MYO1B: variants seen among roughly 807,000 people sequenced by gnomAD.
The protein encoded by MYO1B is myosin IB.
In MYO1B, 72 loss-of-function variants were observed where a neutral mutation model predicts 159.7. The observed-to-expected ratio is 0.45, with a 90% CI of 0.37 to 0.55. The LOEUF (loss-of-function observed/expected upper bound fraction) is 0.55, where lower values mean the gene tolerates loss of function less well. Ranked by LOEUF, MYO1B falls within the 20% of genes least tolerant of loss-of-function variation. The pLI, the probability that MYO1B is intolerant of heterozygous loss-of-function variation, is 0.00. For synonymous variants in MYO1B, 468 were observed against 473.8 expected (o/e 0.99, Z 0.16); for missense variants, 1,062 against 1,364.8 (o/e 0.78, Z 3.50).
intron 1 of MYO1B, among the ~76,000 whole-genome samples, chr2:191,257,525 G>T (rs1479644079): frequency 2.6e-5 from 4 of 152,174 alleles, no homozygotes; most frequent in African/African-American, 7.2e-5. Flanking sequence ...AAAGCCCATT[G>T]ATTTTAATCA....
In MYO1B at chr2:191,397,829, C is replaced by A. The variant is rs567201478; in HGVS notation, c.2295+1332C>A. Among the ~76,000 whole-genome samples, 706 of 145,618 alleles carry A rather than the reference C, an allele frequency of 4.8e-3. 2 individuals are homozygous for A. Among genetic ancestry groups the A allele is most frequent in the Non-Finnish European group, 7.4e-3 (485 of 65,590 alleles). On this transcript the variant is annotated intron_variant, in intron 21 of 30. Transcript: ENST00000392318. Reference sequence around the variant, plus strand: ...GTCTGGCCGGGCGGGGGGCTGACCACCCCACCACCCTCCCAGACGGGGCGG... The same window carrying A: ...GTCTGGCCGGGCGGGGGGCTGACCAACCCACCACCCTCCCAGACGGGGCGG...
At chr2:191,303,456 T>C (rs967137033) in intron 3 of MYO1B, among the ~76,000 whole-genome samples, 20 of 152,350 alleles carry the variant, frequency 1.3e-4, no homozygotes, top group African/African-American at 4.8e-4. Context: ...TTTTATGCTT[T>C]CCCATCTAGC....
At chr2:191,384,566 C>G (rs1246437178) in intron 15 of MYO1B, among the ~76,000 whole-genome samples, 2 of 152,138 alleles carry the variant, frequency 1.3e-5, no homozygotes, top group African/African-American at 2.4e-5. Flanking sequence ...AATGGGAACA[C>G]TAATATTCCA....
intron 1 of MYO1B, among the ~76,000 whole-genome samples, chr2:191,260,254 C>CGTTTTTTTTTTTTTTTTTTTTTTT (rs1686717281): frequency 3.3e-5 from 2 of 60,962 alleles, no homozygotes; most frequent in Non-Finnish European, 7.9e-5. Context: ...CCCAGATAGG[C>CGTTTTTTTTTTTTTTTTTTTTTTT]TTTTTTTTTT....
chr2:191,250,094 C>A (rs1686022344), intron 1 of MYO1B, among the ~76,000 whole-genome samples: 1 of 152,170 alleles, frequency 6.6e-6, no homozygotes, highest in South Asian at 2.1e-4. Context: ...AAAGGAAATC[C>A]ATTGTGCTTT....
At chr2:191,303,724 A>G (rs549987282) in intron 3 of MYO1B, among the ~76,000 whole-genome samples, 1 of 152,232 alleles carries the variant, frequency 6.6e-6, no homozygotes, top group African/African-American at 2.4e-5. Context: ...ATTGAATCTT[A>G]AAGGATATTC....
intron 1 of MYO1B, among the ~76,000 whole-genome samples, chr2:191,271,263 T>C (rs1183805263): frequency 6.6e-6 from 1 of 152,274 alleles, no homozygotes; most frequent in Non-Finnish European, 1.5e-5. Flanking sequence ...AATGCTGTTA[T>C]ACTGCTAATG....
chr2:191,374,203 T>G (rs1694555193), intron 13 of MYO1B, among the ~76,000 whole-genome samples: 1 of 152,210 alleles, frequency 6.6e-6, no homozygotes, highest in Admixed American at 6.5e-5. Context: ...TTTAAAGTAC[T>G]GCAAGTTGAA....
At chr2:191,398,324 G>A in intron 21 of MYO1B, among the ~76,000 whole-genome samples, 1 of 122,624 alleles carries the variant, frequency 8.2e-6, no homozygotes, top group African/African-American at 2.9e-5. Flanking sequence ...TGGGCTGGGC[G>A]GCTGGCCGGG....
At chr2:191,266,875 T>C (rs1687174461) in intron 1 of MYO1B, among the ~76,000 whole-genome samples, 2 of 152,246 alleles carry the variant, frequency 1.3e-5, no homozygotes, top group Admixed American at 1.3e-4. Context: ...TTTGTCATTC[T>C]CACTTTACAC....
At chr2:191,313,450 T>C (rs1240847786) in intron 3 of MYO1B, among the ~76,000 whole-genome samples, 1 of 150,970 alleles carries the variant, frequency 6.6e-6, no homozygotes, top group Non-Finnish European at 1.5e-5. Flanking sequence ...AGTGGCACGA[T>C]CTCGGCTCAC....
At chr2:191,284,735 C>T (rs368864220) in intron 2 of MYO1B, among the ~76,000 whole-genome samples, 16 of 152,130 alleles carry the variant, frequency 1.1e-4, no homozygotes, top group African/African-American at 1.4e-4. Flanking sequence ...TGGGTTCAAA[C>T]GGTTCTTCTG....
chr2:191,347,175 G>A (rs530499287), intron 6 of MYO1B, among the ~76,000 whole-genome samples: 5 of 152,198 alleles, frequency 3.3e-5, no homozygotes, highest in South Asian at 4.1e-4. Context: ...TTTAGATCCC[G>A]TTTGGCTCTT....
chr2:191,313,655 A>G (rs1574406805), intron 3 of MYO1B, among the ~76,000 whole-genome samples: 2 of 152,302 alleles, frequency 1.3e-5, no homozygotes, highest in Admixed American at 1.3e-4. Flanking sequence ...AAGTGCTGGG[A>G]TTACAGGCGT....
At chr2:191,310,535 G>A (rs1689938307) in intron 3 of MYO1B, among the ~76,000 whole-genome samples, 1 of 152,184 alleles carries the variant, frequency 6.6e-6, no homozygotes, top group African/African-American at 2.4e-5. Context: ...GGTGGCTTTT[G>A]TAGTTTATAG....
intron 7 of MYO1B, among the ~76,000 whole-genome samples, chr2:191,357,387 G>A (rs918312424): frequency 2.6e-5 from 4 of 152,058 alleles, no homozygotes; most frequent in Non-Finnish European, 4.4e-5. Context: ...GCAGTGGGGC[G>A]GGGGGCAAGT....
At chr2:191,325,876 C>G (rs912992881) in intron 3 of MYO1B, among the ~76,000 whole-genome samples, 7 of 152,002 alleles carry the variant, frequency 4.6e-5, no homozygotes, top group Admixed American at 3.9e-4. Flanking sequence ...ACTTCTAAAA[C>G]CTAAAAGTGA....
chr2:191,334,111 C>G (rs1189487554), intron 4 of MYO1B, among the ~76,000 whole-genome samples: 1 of 141,024 alleles, frequency 7.1e-6, no homozygotes, highest in African/African-American at 2.5e-5. Flanking sequence ...TTCTTTGTGA[C>G]TAACGGTTTT....
At position 191,349,748 on chromosome 2, in the gene MYO1B, T is replaced by C. The variant is rs369636512; in HGVS notation, c.499-414T>C. 3.9e-5 allele frequency among the ~76,000 whole-genome samples: 6 copies of C among 152,362 alleles called. No individual in the cohort carries two copies. The South Asian group carries it at 6.2e-4, about 16-fold the overall frequency. ...GAACGTTTCAATTCATTTACTGATA[T>C]GTTTCAAGTTCCTAGCAATGGCTTA... On this transcript the variant is annotated intron_variant, in intron 6 of 30. Coordinates refer to ENST00000392318, the MANE Select transcript of MYO1B (RefSeq NM_001130158.3).
Sources: gnomAD v4.1 joint callset for allele counts (sites outside exome capture counted in the v4.1 genomes callset) on GRCh38, gnomAD v4.1.1 for gene constraint, MANE v1.5 for transcripts, NCBI Gene and HGNC (gene_info 2026-07-23, HGNC 2026-07-21) for gene names.